Variants in CLIP1 observed in about 807,000 individuals in gnomAD.
The protein encoded by CLIP1 is CAP-Gly domain-containing linker protein 1.
CLIP1 carries 66 observed loss-of-function variants against 161.6 expected under a neutral mutation model. The observed-to-expected ratio is 0.41, with a 90% confidence interval of 0.33 to 0.50. The LOEUF is 0.50. CLIP1 is among the 20% of genes least tolerant of loss of function. CLIP1 has a pLI of 0.27. For synonymous variants in CLIP1, 598 were observed against 626.2 expected (o/e 0.96, Z 0.67); for missense variants, 1,376 against 1,702.0 (o/e 0.81, Z 3.37).
chr12:122,413,805 A>G (rs1184738513), intron 1 of CLIP1, among the ~76,000 whole-genome samples: 1 of 152,138 alleles, frequency 6.6e-6, no homozygotes, highest in African/African-American at 2.4e-5. Context: ...ACAATTAAAA[A>G]GTAGACCCAC....
Position 122,334,103 on chromosome 12 carries a change from TAC to T in CLIP1, c.2632_2633del (p.Val878LysfsTer2). 6.2e-7 allele frequency: 1 copy of T among 1,601,998 alleles called. No individual in the cohort carries two copies. The highest frequency in any genetic ancestry group is 8.6e-7 in the Non-Finnish European group (1 of 1,169,298). On this transcript the variant is annotated frameshift_variant, in exon 14 of 26. Transcript: ENST00000620786. LOFTEE classifies it high-confidence loss of function. Reference sequence around the variant, plus strand: ...GTTCCTCCTTTTGGTGTAACTTATTTACAGTTTCTATTTAGGATAAAAGTTAG... The same window carrying T: ...GTTCCTCCTTTTGGTGTAACTTATTTAGTTTCTATTTAGGATAAAAGTTAG... ...VSVQRSMQET[V>X]NKLHQKEEQF...
chr12:122,361,302 G>A (rs1953794245), intron 4 of CLIP1, 121 bp from the exon 5 acceptor site: 5 of 834,102 alleles, frequency 6.0e-6, no homozygotes, highest in Admixed American at 2.7e-5. Flanking sequence ...CTACAGCTAA[G>A]CTGGGGTTAC....
rs1042143679 is a variant in CLIP1, at chr12:122,276,344, A to T, written c.3966+1810T>A. ...TGTTAAGAGCTCCATTTCAGGAAGAAGAAAAAGCCACAAAATGGACATAAG... is the reference window on the plus strand; with the variant it reads ...TGTTAAGAGCTCCATTTCAGGAAGATGAAAAAGCCACAAAATGGACATAAG... On this transcript the variant is annotated intron_variant, in intron 24 of 25. Coordinates refer to ENST00000620786, the MANE Select transcript of CLIP1 (RefSeq NM_001247997.2). The T allele has an allele frequency of 1.9e-5, 23 of 1,221,482 alleles. No individual in the cohort carries two copies. The Admixed American group carries it at 2.2e-4, about 12-fold the overall frequency. The allele number at this position is 1,221,482 out of a possible 1,614,324, so 75.7% of individuals were successfully genotyped here. A position where few individuals can be genotyped will look rare whatever the true frequency, so the allele number is the denominator to read the frequency against.
intron 23 of CLIP1, 95 bp from the exon 24 acceptor site, chr12:122,278,298 C>G: frequency 8.6e-7 from 1 of 1,161,652 alleles, no homozygotes; most frequent in Non-Finnish European, 1.2e-6. Flanking sequence ...GGCCTGTGTT[C>G]AAAACTCATT....
At chr12:122,394,488 CAA>C (rs66683857) in intron 1 of CLIP1, among the ~76,000 whole-genome samples, 3 of 57,976 alleles carry the variant, frequency 5.2e-5, no homozygotes, top group Admixed American at 2.7e-4. Context: ...GACGCTGTCT[CAA>C]AAAAAAAAAA....
chr12:122,293,457 T>C (rs1950336538), intron 20 of CLIP1, among the ~76,000 whole-genome samples: 1 of 151,746 alleles, frequency 6.6e-6, no homozygotes, highest in African/African-American at 2.4e-5. Context: ...GTACTAATTT[T>C]GGAAAATGGT....
chr12:122,328,095 G>T lies in CLIP1; in HGVS notation c.3101C>A (p.Ser1034Tyr). 6.2e-7 allele frequency: 1 copy of T among 1,614,154 alleles called. No homozygotes were observed. The highest frequency in any genetic ancestry group is 8.5e-7 in the Non-Finnish European group (1 of 1,180,044). ...TTCTTCATGCTTGGTTTTTGTCTCAGAAGTGGCTCTCTCATACCTGGCTTT... is the reference window on the plus strand; with the variant it reads ...TTCTTCATGCTTGGTTTTTGTCTCATAAGTGGCTCTCTCATACCTGGCTTT... ...ELKARYERAT[S>Y]ETKTKHEEIL... Residue 1034 changes from serine to tyrosine, a missense_variant, in exon 17 of 26, where the codon TCT becomes TAT. Around this residue, in one of 6 missense-constraint regions of CLIP1, gnomAD observed 948 missense variants for 1,134.8 expected, o/e 0.84. Transcript: ENST00000620786.
At chr12:122,383,127 C>T (rs1338750355) in intron 1 of CLIP1, among the ~76,000 whole-genome samples, 3 of 152,164 alleles carry the variant, frequency 2.0e-5, no homozygotes, top group African/African-American at 7.2e-5. Context: ...GTAGAAATTC[C>T]CTAGGGCCTT....
intron 20 of CLIP1, among the ~76,000 whole-genome samples, chr12:122,309,402 A>C (rs753617906): frequency 2.6e-5 from 4 of 152,212 alleles, no homozygotes; most frequent in Non-Finnish European, 4.4e-5. Flanking sequence ...ATTTTGATGA[A>C]AGTGAAAAAA....
At chr12:122,369,323 C>T (rs369032302) in intron 3 of CLIP1, among the ~76,000 whole-genome samples, 3 of 152,042 alleles carry the variant, frequency 2.0e-5, no homozygotes, top group Non-Finnish European at 2.9e-5. Context: ...CGTCTGGCCA[C>T]TTTTGATTAC....
At chr12:122,399,322 C>T (rs1166532774) in intron 1 of CLIP1, 2 of 152,168 alleles carry the variant, frequency 1.3e-5, no homozygotes, top group Non-Finnish European at 2.9e-5. Flanking sequence ...GGTATCAAAT[C>T]CAAATCCTGT....
chr12:122,300,539 G>T (rs1342212625), intron 20 of CLIP1, among the ~76,000 whole-genome samples: 1 of 152,052 alleles, frequency 6.6e-6, no homozygotes, highest in Non-Finnish European at 1.5e-5. Context: ...AAATGTAAGA[G>T]GTTTATTTCA....
At chr12:122,382,358 T>C (rs1955043941) in intron 1 of CLIP1, among the ~76,000 whole-genome samples, 1 of 147,716 alleles carries the variant, frequency 6.8e-6, no homozygotes, top group Non-Finnish European at 1.5e-5. Flanking sequence ...CAAAACTCCG[T>C]CTCAAAAAAA....
rs745534508 is a variant in CLIP1 at position 122,334,676 on chromosome 12, C to G, written c.2598G>C (p.Glu866Asp). ...GCATACTTCTCTGAACAGAGACTGC[C>G]TCCTCTGAAGCTTCAGCAAACTTTT... is the stretch of plus-strand genomic sequence containing the variant. ...LKEKFAEASE[E>D]AVSVQRSMQE... Residue 866 changes from glutamate (E) to aspartate (D), a missense_variant, in exon 13 of 26, where the codon GAG becomes GAC. Coordinates refer to ENST00000620786, the MANE Select transcript of CLIP1 (RefSeq NM_001247997.2). The G allele has an allele frequency of 1.9e-6, 3 of 1,588,126 alleles. No individual in the cohort carries two copies. Among genetic ancestry groups the G allele is most frequent in the Non-Finnish European group, 2.6e-6 (3 of 1,164,572 alleles).
chr12:122,280,567 T>C (rs1360916970), intron 21 of CLIP1: 1 of 152,168 alleles, frequency 6.6e-6, no homozygotes, highest in Non-Finnish European at 1.5e-5. Context: ...TGAAGTCCCT[T>C]GTTTCAGCTG....
At chr12:122,403,275 T>C (rs1053861799) in intron 1 of CLIP1, among the ~76,000 whole-genome samples, 4 of 152,156 alleles carry the variant, frequency 2.6e-5, no homozygotes, top group African/African-American at 9.7e-5. Flanking sequence ...AGGTGATACA[T>C]AATGTATAAG....
Position 122,271,902 on chromosome 12 carries a change from G to T in CLIP1, c.*973C>A, listed in dbSNP as rs1955197680. The stretch of plus-strand genomic sequence containing the variant: ...TTTAGGTGTTTTATACTGGCTTATT[G>T]TTAATTGACTGCTGGGGATACCTGC... On this transcript the variant is annotated 3_prime_UTR_variant, in exon 26 of 26. Transcript: ENST00000620786. 1 of 152,498 alleles carries T rather than the reference G, an allele frequency of 6.6e-6. No individual in the cohort carries two copies. The highest frequency in any genetic ancestry group is 2.1e-4 in the South Asian group (1 of 4,824). 9.4% of individuals were successfully genotyped at this position (152,498 alleles called of 1,614,324 possible). A position where few individuals can be genotyped will look rare whatever the true frequency, so the allele number is the denominator to read the frequency against.
intron 5 of CLIP1, among the ~76,000 whole-genome samples, chr12:122,360,069 CAGG>C (rs1239344954): frequency 1.3e-5 from 2 of 151,960 alleles, no homozygotes; most frequent in Admixed American, 1.3e-4. Flanking sequence ...GGAAAGGGAC[CAGG>C]AGAAGAAGAG....
At position 122,339,566 on chromosome 12, in the gene CLIP1, G is replaced by A. The variant is rs371692066; in HGVS notation, c.2451+1187C>T. Among the ~76,000 whole-genome samples the A allele has an allele frequency of 4.6e-5, 7 of 152,106 alleles. No individual in the cohort carries two copies. In the South Asian group the frequency reaches 8.3e-4, roughly 18 times the overall value. On this transcript the variant is annotated intron_variant, in intron 11 of 25. Transcript: ENST00000620786. ...TCAAACTCCTGACCTCAACTGATCC[G>A]CCTGCCTCAGCCTCCCAAAGCACTG...
Sources: gnomAD v4.1 joint callset for allele counts (sites outside exome capture counted in the v4.1 genomes callset) on GRCh38, gnomAD v4.1.1 for gene constraint, gnomAD v4.1.1 regional missense constraint, MANE v1.5 for transcripts, NCBI Gene and HGNC (gene_info 2026-07-23, HGNC 2026-07-21) for gene names.